BPIFB4: variants seen among roughly 807,000 people sequenced by gnomAD.
BPIFB4 encodes BPI fold containing family B member 4, also known as BPI fold-containing family B member 4.
Under a neutral mutation model 69.2 loss-of-function variants are expected in BPIFB4, and 62 were observed. The ratio of observed to expected loss-of-function variants is 0.90; its 90% CI spans 0.73 to 1.11. BPIFB4 has a LOEUF of 1.11. Among genes scored for constraint, BPIFB4 ranks in the 50% least tolerant of loss-of-function variants. The pLI, the probability that BPIFB4 is intolerant of heterozygous loss-of-function variation, is 0.00. For synonymous variants in BPIFB4, 330 were observed against 332.7 expected, an observed-to-expected ratio of 0.99 and a Z score of 0.09; for missense variants, 789 against 792.0, an observed-to-expected ratio of 1.00 and a Z score of 0.04.
At chr20:33,094,116 G>A (rs1397847844) in intron 11 of BPIFB4, among the ~76,000 whole-genome samples, 2 of 152,224 alleles carry the variant, frequency 1.3e-5, no homozygotes, top group Non-Finnish European at 2.9e-5. Context: ...CTTCCATTAA[G>A]AGAAAAGTCT....
At chr20:33,081,710 C>A (rs1167757089) in intron 3 of BPIFB4, 78 bp downstream of exon 3, 6 of 1,525,212 alleles carry the variant, frequency 3.9e-6, no homozygotes, top group Non-Finnish European at 5.3e-6. Flanking sequence ...TACCCAGGAA[C>A]CTCCTCCTGC....
chr20:33,081,126 G>A (rs550288637), intron 2 of BPIFB4, among the ~76,000 whole-genome samples: 2 of 152,222 alleles, frequency 1.3e-5, no homozygotes, highest in Non-Finnish European at 2.9e-5. Flanking sequence ...GTAGAGGAAT[G>A]AGTAGATGAG....
chr20:33,083,568 G>A lies in BPIFB4; in HGVS notation c.371G>A (p.Arg124His), dbSNP rs779054648. The change falls in exon 5 of 18, where the codon CGC becomes CAC. Residue 124 changes from arginine to histidine, a missense_variant. Arg to His is a conservative substitution (Grantham distance 29, BLOSUM62 0). Coordinates refer to ENST00000375483, the MANE Select transcript of BPIFB4 (RefSeq NM_182519.3). ...AGGGACCTCCGAAACAGTGGCTATC[G>A]CAGTGCCGAGAATGCATATGGAGGC... is the stretch of plus-strand genomic sequence containing the variant. ...SIRDLRNSGY[R>H]SAENAYGGHR... 39 of 1,613,944 alleles carry A rather than the reference G, an allele frequency of 2.4e-5. No individual in the cohort carries two copies. Among genetic ancestry groups the A allele is most frequent in the East Asian group, 6.7e-5 (3 of 44,886 alleles).
chr20:33,102,330 G>C (rs923056348), intron 14 of BPIFB4, among the ~76,000 whole-genome samples: 1 of 152,198 alleles, frequency 6.6e-6, no homozygotes, highest in African/African-American at 2.4e-5. Context: ...AACGATTTCC[G>C]CCCCACGGGC....
intron 3 of BPIFB4, 36 bp from the exon 4 acceptor site, chr20:33,082,902 G>C: frequency 6.3e-7 from 1 of 1,590,542 alleles, no homozygotes; most frequent in Non-Finnish European, 8.6e-7. Context: ...GGAAAAAAGG[G>C]AGGAACCCTG....
At chr20:33,088,633 C>A (rs1298360608) in intron 7 of BPIFB4, among the ~76,000 whole-genome samples, 1 of 152,152 alleles carries the variant, frequency 6.6e-6, no homozygotes, top group South Asian at 2.1e-4. Flanking sequence ...CAGCAAATGA[C>A]CCATTTGAGG....
At chr20:33,089,361 A>C in intron 8 of BPIFB4, 137 bp from the exon 9 acceptor site, 1 of 1,383,216 alleles carries the variant, frequency 7.2e-7, no homozygotes, top group South Asian at 1.3e-5. Flanking sequence ...CCTTCCCCAC[A>C]GGGCTGTGGT....
chr20:33,084,995 A>G lies in BPIFB4; in HGVS notation c.781A>G (p.Ser261Gly). 1 of 1,611,452 alleles carries G rather than the reference A, an allele frequency of 6.2e-7. No individual in the cohort carries two copies. The highest frequency in any genetic ancestry group is 1.3e-5 in the African/African-American group (1 of 75,034). The change falls in exon 6 of 18, where the codon AGT (serine) becomes GGT (glycine). Residue 261 changes from serine (S) to glycine (G), a missense_variant and splice_region_variant. Around this residue, in one of 3 missense-constraint regions of BPIFB4, gnomAD observed 611 missense variants for 575.4 expected, o/e 1.06. Transcript: ENST00000375483. ...CACCCGTGTGGCCATCAACGGGAAGAGGTGCGTGCCCTTGGCCCTGGAGGG... is the reference window on the plus strand; with the variant it reads ...CACCCGTGTGGCCATCAACGGGAAGGGGTGCGTGCCCTTGGCCCTGGAGGG... ...LYTRVAINGK[S>G]LIGFLDIAVE...
chr20:33,101,650 A>G (rs1981911251), intron 14 of BPIFB4, among the ~76,000 whole-genome samples: 1 of 152,068 alleles, frequency 6.6e-6, no homozygotes, highest in East Asian at 1.9e-4. Context: ...AGCTCAAGCG[A>G]TCCTCCTACC....
At chr20:33,086,257 C>T in intron 7 of BPIFB4, 93 bp downstream of exon 7, 1 of 1,474,068 alleles carries the variant, frequency 6.8e-7, no homozygotes, top group Middle Eastern at 2.0e-4. Flanking sequence ...CCCATAGGCT[C>T]TGGGGTGGGC....
At chr20:33,080,171 T>G (rs1339205425) in intron 1 of BPIFB4, among the ~76,000 whole-genome samples, 1 of 140,542 alleles carries the variant, frequency 7.1e-6, no homozygotes, top group Non-Finnish European at 1.6e-5. Flanking sequence ...TGGGAGCAGA[T>G]AGGAGTAGGG....
chr20:33,099,809 C>T (rs1210549647), intron 13 of BPIFB4, among the ~76,000 whole-genome samples: 1 of 152,208 alleles, frequency 6.6e-6, no homozygotes, highest in Non-Finnish European at 1.5e-5. Context: ...CTACTAACAT[C>T]ACCTGAATTT....
intron 9 of BPIFB4, among the ~76,000 whole-genome samples, 171 bp downstream of exon 9, chr20:33,089,729 A>C (rs536699482): frequency 5.9e-5 from 9 of 151,304 alleles, no homozygotes; most frequent in East Asian, 2.0e-4. Flanking sequence ...GCTCCCAAAC[A>C]CCCCCCCCGA....
intron 17 of BPIFB4, among the ~76,000 whole-genome samples, chr20:33,111,081 G>A (rs1220887242): frequency 1.3e-5 from 2 of 152,136 alleles, no homozygotes; most frequent in East Asian, 1.9e-4. Flanking sequence ...CTCCCAAAGT[G>A]TTGGGATTAC....
intron 11 of BPIFB4, 152 bp downstream of exon 11, chr20:33,092,810 A>G (rs1981646042): frequency 1.4e-6 from 1 of 716,674 alleles, no homozygotes; most frequent in Admixed American, 2.4e-5. Context: ...GGTGTGCGTC[A>G]ATTACGTCAG....
chr20:33,094,504 T>G (rs1981701083), intron 11 of BPIFB4, among the ~76,000 whole-genome samples: 1 of 125,886 alleles, frequency 7.9e-6, no homozygotes, highest in African/African-American at 3.1e-5. Flanking sequence ...TTCTTTTTCT[T>G]TCTTTCTTTT....
chr20:33,084,098 G>A (rs1981345030), intron 5 of BPIFB4, among the ~76,000 whole-genome samples: 1 of 152,144 alleles, frequency 6.6e-6, no homozygotes, highest in Admixed American at 6.5e-5. Context: ...ATGTTTGCGT[G>A]TGACTTTGGG....
intron 12 of BPIFB4, 26 bp from the exon 13 acceptor site, chr20:33,097,591 C>A (rs1308583587): frequency 5.0e-6 from 8 of 1,607,486 alleles, no homozygotes; most frequent in Middle Eastern, 1.8e-4. Context: ...AGGGCCCTGT[C>A]CATCTGGCCT....
chr20:33,107,476 CAAAA>C (rs916345400), intron 16 of BPIFB4, among the ~76,000 whole-genome samples: 2 of 151,702 alleles, frequency 1.3e-5, no homozygotes, highest in African/African-American at 4.8e-5. Flanking sequence ...AACAAACAAA[CAAAA>C]AAAGCAAAAA....
Sources: allele counts gnomAD v4.1 joint callset (sites outside exome capture counted in the v4.1 genomes callset), GRCh38; gene constraint gnomAD v4.1.1; regional missense constraint gnomAD v4.1.1; transcripts MANE v1.5; gene names NCBI Gene and HGNC (gene_info 2026-07-23, HGNC 2026-07-21).